Variants in UGT1A8 observed in about 807,000 individuals in gnomAD.
UGT1A8 encodes the protein UDP glucuronosyltransferase family 1 member A8.
In UGT1A8, 39 loss-of-function variants were observed where a neutral mutation model predicts 45.3. That is an observed-to-expected ratio of 0.86 (90% CI 0.67 to 1.12). The LOEUF (loss-of-function observed/expected upper bound fraction) is 1.12, where lower values mean the gene tolerates loss of function less well. Among genes scored for constraint, UGT1A8 ranks in the 50% most tolerant of loss-of-function variants. The probability of loss-of-function intolerance (pLI) is 0.00; values close to 1 mark genes in which losing one functional copy is unlikely to be tolerated. For synonymous variants in UGT1A8, 275 were observed against 249.2 expected (o/e 1.10, Z -0.97); for missense variants, 719 against 664.9 (o/e 1.08, Z -0.90).
At chr2:233,658,018 C>CTT (rs34352422) in intron 1 of UGT1A8, among the ~76,000 whole-genome samples, 13 of 128,062 alleles carry the variant, frequency 1.0e-4, no homozygotes, top group African/African-American at 2.3e-4. Flanking sequence ...GTTTCCTCCT[C>CTT]TTTTTTTTTT....
At chr2:233,636,427 C>T in intron 1 of UGT1A8, 1 of 1,504,078 alleles carries the variant, frequency 6.6e-7, no homozygotes, top group Non-Finnish European at 8.9e-7. Flanking sequence ...AAATACACGC[C>T]CTCTATTGGG....
chr2:233,745,632 G>A (rs1693165975), intron 1 of UGT1A8, among the ~76,000 whole-genome samples: 1 of 151,552 alleles, frequency 6.6e-6, no homozygotes, highest in Non-Finnish European at 1.5e-5. Flanking sequence ...GTCATAGAAA[G>A]CTGGCCGAGG....
chr2:233,624,439 G>A (rs952848165), intron 1 of UGT1A8, among the ~76,000 whole-genome samples: 1 of 152,012 alleles, frequency 6.6e-6, no homozygotes, highest in Non-Finnish European at 1.5e-5. Context: ...GTCTTTTCTT[G>A]TTTTCTTGCA....
chr2:233,741,876 G>A (rs1319262823), intron 1 of UGT1A8: 1 of 151,830 alleles, frequency 6.6e-6, no homozygotes, highest in African/African-American at 2.4e-5. Context: ...TTCCTCAGAG[G>A]TGACCCTAGA....
chr2:233,624,847 C>G (rs1488903267), intron 1 of UGT1A8, among the ~76,000 whole-genome samples: 1 of 151,962 alleles, frequency 6.6e-6, no homozygotes, highest in Non-Finnish European at 1.5e-5. Context: ...AGTGTACAGT[C>G]TTTCATAATT....
At chr2:233,620,842 A>G (rs2072991004) in intron 1 of UGT1A8, among the ~76,000 whole-genome samples, 1 of 152,212 alleles carries the variant, frequency 6.6e-6, no homozygotes, top group African/African-American at 2.4e-5. Context: ...TTCAGATGCC[A>G]GGATATGTCT....
At chr2:233,718,862 A>T (rs62191899) in intron 1 of UGT1A8, 1 of 1,613,832 alleles carries the variant, frequency 6.2e-7, no homozygotes, top group Non-Finnish European at 8.5e-7. Flanking sequence ...GGCTGGCCAC[A>T]GGACTGCTGC....
intron 1 of UGT1A8, among the ~76,000 whole-genome samples, chr2:233,681,328 G>A (rs1334523162): frequency 1.3e-5 from 2 of 151,954 alleles, no homozygotes; most frequent in Non-Finnish European, 1.5e-5. Context: ...GAGCTCAGGA[G>A]TTCGAGACCA....
intron 1 of UGT1A8, among the ~76,000 whole-genome samples, chr2:233,764,460 T>C (rs1698566935): frequency 6.6e-6 from 1 of 152,182 alleles, no homozygotes; most frequent in East Asian, 1.9e-4. Flanking sequence ...ACTTTCGTGA[T>C]CTCCTGCTAT....
rs1056740625 is a variant in UGT1A8 at position 233,625,549 on chromosome 2, T to C, written c.855+6987T>C. On this transcript the variant is annotated intron_variant, in intron 1 of 4. Transcript: ENST00000373450. The stretch of plus-strand genomic sequence containing the variant: ...AAGGCATGAAATCAACCTAGGTGCC[T>C]GTCAATAGTGGATTGGATGAAGAAA... Among the ~76,000 whole-genome samples, 783 of 150,324 alleles carry C rather than the reference T, an allele frequency of 5.2e-3. 1 individual carries two copies. Among genetic ancestry groups the C allele is most frequent in the Admixed American group, 9.1e-3 (137 of 14,978 alleles).
At position 233,747,700 on chromosome 2, in the gene UGT1A8, A is replaced by G. The variant is rs538337941; in HGVS notation, c.856-19334A>G. On this transcript the variant is annotated intron_variant, in intron 1 of 4. Transcript: ENST00000373450. ...TACCTCTGTGGGGCAGTGCTGGCTA[A>G]GTACCTATCAATTCCTGCTGTGTTT... 8 of 1,612,196 alleles carry G rather than the reference A, an allele frequency of 5.0e-6. No individual in the cohort carries two copies. In the East Asian group the frequency reaches 8.9e-5, roughly 18 times the overall value.
intron 1 of UGT1A8, among the ~76,000 whole-genome samples, chr2:233,624,633 A>C (rs1161339069): frequency 6.6e-6 from 1 of 152,006 alleles, no homozygotes; most frequent in African/African-American, 2.4e-5. Context: ...AGGTAGTGTT[A>C]CCTATTTTTT....
At position 233,718,993 on chromosome 2, in the gene UGT1A8, CG is replaced by C. The variant is rs757477070; in HGVS notation, c.856-48039del. Reference sequence around the variant, plus strand: ...GAGCTCCATGCCAGAGGCCACCAGGCGGTGGTCCTCACCCCAGAGGTGAATA... The same window carrying C: ...GAGCTCCATGCCAGAGGCCACCAGGCGTGGTCCTCACCCCAGAGGTGAATA... On this transcript the variant is annotated intron_variant, in intron 1 of 4. Coordinates refer to ENST00000373450, the MANE Select transcript of UGT1A8 (RefSeq NM_019076.5). The C allele has an allele frequency of 3.7e-5, 59 of 1,614,208 alleles. No homozygotes were observed. The East Asian group carries it at 9.8e-4, about 27-fold the overall frequency.
intron 1 of UGT1A8, among the ~76,000 whole-genome samples, chr2:233,764,386 G>A (rs141556907): frequency 3.9e-5 from 6 of 152,290 alleles, no homozygotes; most frequent in Non-Finnish European, 7.4e-5. Context: ...GGAGTTGGCC[G>A]TGATGACAAC....
At chr2:233,641,051 C>T (rs2125463566) in intron 1 of UGT1A8, among the ~76,000 whole-genome samples, 1 of 152,282 alleles carries the variant, frequency 6.6e-6, no homozygotes, top group African/African-American at 2.4e-5. Context: ...CAAGTTATCT[C>T]ACTGCAACCT....
chr2:233,762,127 G>T (rs528651361), intron 1 of UGT1A8, among the ~76,000 whole-genome samples: 5 of 152,204 alleles, frequency 3.3e-5, no homozygotes, highest in African/African-American at 1.2e-4. Flanking sequence ...TGAGCCATGT[G>T]GGGACCTGTG....
intron 1 of UGT1A8, chr2:233,692,203 G>C (rs1200902160): frequency 6.6e-6 from 1 of 152,362 alleles, no homozygotes; most frequent in Non-Finnish European, 1.5e-5. Context: ...GGTGTGGAGG[G>C]TGGGGCACCC....
At chr2:233,687,455 G>C (rs559726557) in intron 1 of UGT1A8, among the ~76,000 whole-genome samples, 8 of 152,152 alleles carry the variant, frequency 5.3e-5, no homozygotes, top group African/African-American at 1.9e-4. Flanking sequence ...TATTTACATG[G>C]AAGCTGGCAT....
chr2:233,640,843 CTA>C (rs2073432236), intron 1 of UGT1A8, among the ~76,000 whole-genome samples: 1 of 152,000 alleles, frequency 6.6e-6, no homozygotes, highest in Non-Finnish European at 1.5e-5. Flanking sequence ...GTCATTGTTG[CTA>C]TGTCAGGGGG....
Sources: gnomAD v4.1 joint callset for allele counts (sites outside exome capture counted in the v4.1 genomes callset) on GRCh38, gnomAD v4.1.1 for gene constraint, MANE v1.5 for transcripts, NCBI Gene and HGNC (gene_info 2026-07-23, HGNC 2026-07-21) for gene names.